Variants in PIK3CA observed in about 807,000 individuals in gnomAD.
PIK3CA encodes phosphatidylinositol-4,5-bisphosphate 3-kinase catalytic subunit alpha.
A neutral mutation model predicts 138.2 loss-of-function variants in PIK3CA; 27 were observed. The ratio of observed to expected loss-of-function variants is 0.20; its 90% confidence interval spans 0.14 to 0.27. PIK3CA has a LOEUF of 0.27. Ranked by LOEUF, PIK3CA falls within the 10% of genes least tolerant of loss-of-function variation. The probability of loss-of-function intolerance (pLI) is 1.00; values close to 1 mark genes in which losing one functional copy is unlikely to be tolerated. For missense variants in PIK3CA, 544 were observed against 1,277.4 expected (o/e 0.43, Z 8.75); for synonymous variants, 358 against 413.2 (o/e 0.87, Z 1.62).
chr3:179,202,199 G>A (rs184926992), intron 4 of PIK3CA, among the ~76,000 whole-genome samples: 1 of 152,230 alleles, frequency 6.6e-6, no homozygotes, highest in Non-Finnish European at 1.5e-5. Context: ...TAAGTGGCTG[G>A]GACCACATGC....
At chr3:179,202,309 A>G (rs993467005) in intron 4 of PIK3CA, among the ~76,000 whole-genome samples, 30 of 152,132 alleles carry the variant, frequency 2.0e-4, no homozygotes, top group Admixed American at 1.8e-3. Flanking sequence ...GGCACAAACA[A>G]TCCTCCTGCC....
intron 14 of PIK3CA, among the ~76,000 whole-genome samples, chr3:179,222,189 G>C (rs374222531): frequency 6.6e-6 from 1 of 151,860 alleles, no homozygotes; most frequent in Non-Finnish European, 1.5e-5. Context: ...ATGTAAGTTA[G>C]CAGTACTGAA....
Position 179,199,919 on chromosome 3 carries a change from ACT to A in PIK3CA, c.562+23_562+24del. On this transcript the variant is annotated intron_variant, in intron 3 of 20. Coordinates refer to ENST00000263967, the MANE Select transcript of PIK3CA (RefSeq NM_006218.4). ...ATAAAGGTAAGAAAATGACTAATCT[ACT>A]CTAATCATTACTATAGTGCAGTCTT... The A allele has an allele frequency of 7.1e-7, 1 of 1,408,186 alleles. No individual in the cohort carries two copies. Among genetic ancestry groups the A allele is most frequent in the Non-Finnish European group, 1.0e-6 (1 of 994,280 alleles). 87.2% of individuals were successfully genotyped at this position (1,408,186 alleles called of 1,614,324 possible).
chr3:179,178,311 C>A (rs1576922194), intron 1 of PIK3CA, among the ~76,000 whole-genome samples: 1 of 142,442 alleles, frequency 7.0e-6, no homozygotes, highest in African/African-American at 2.6e-5. Context: ...AAATTATGAA[C>A]TACTTAATAT....
At chr3:179,196,742 A>G (rs1402838090) in intron 1 of PIK3CA, among the ~76,000 whole-genome samples, 1 of 152,174 alleles carries the variant, frequency 6.6e-6, no homozygotes, top group Non-Finnish European at 1.5e-5. Context: ...TGTCTAATCA[A>G]ATTAGGCCCT....
At chr3:179,197,195 C>T (rs1724288740) in intron 1 of PIK3CA, among the ~76,000 whole-genome samples, 1 of 152,012 alleles carries the variant, frequency 6.6e-6, no homozygotes, top group Non-Finnish European at 1.5e-5. Context: ...CATGCCACCA[C>T]GCCCAGCTAA....
At chr3:179,199,570 C>A (rs546498357) in intron 2 of PIK3CA, 120 bp from the exon 3 acceptor site, 3 of 652,526 alleles carry the variant, frequency 4.6e-6, no homozygotes, top group Admixed American at 6.0e-5. Context: ...TTTAACCTAG[C>A]GGTACTTTTT....
intron 1 of PIK3CA, among the ~76,000 whole-genome samples, chr3:179,166,163 T>G (rs1449642523): frequency 1.3e-5 from 2 of 152,228 alleles, no homozygotes; most frequent in Non-Finnish European, 2.9e-5. Flanking sequence ...AAGGAGTAAT[T>G]AGTCCCATTT....
At chr3:179,214,303 C>T (rs552236708) in intron 9 of PIK3CA, among the ~76,000 whole-genome samples, 10 of 152,206 alleles carry the variant, frequency 6.6e-5, no homozygotes, top group African/African-American at 2.2e-4. Flanking sequence ...AAGCAAGAGA[C>T]GTGGCACTCT....
chr3:179,149,514 G>C (rs1722954465), intron 1 of PIK3CA: 2 of 152,216 alleles, frequency 1.3e-5, no homozygotes, highest in African/African-American at 4.8e-5. Flanking sequence ...GTTAAATAAA[G>C]GGTAGGGTAA....
In PIK3CA at chr3:179,219,468, TCTAAA is replaced by T. The variant is rs1724916421; in HGVS notation, c.1747-98_1747-94del. On this transcript the variant is annotated intron_variant, in intron 11 of 20. Coordinates refer to ENST00000263967, the MANE Select transcript of PIK3CA (RefSeq NM_006218.4). The surrounding 1 kb of genome is among the most constrained non-coding windows in gnomAD (Gnocchi z 4.2). ...CTGTAAATTCTAAGGAGATTATTTA[TCTAAA>T]CTAATTTTAAAATCAGAAGTTAAGG... is the stretch of plus-strand genomic sequence containing the variant. 4 of 674,000 alleles carry T rather than the reference TCTAAA, an allele frequency of 5.9e-6. No individual in the cohort carries two copies. Among genetic ancestry groups the T allele is most frequent in the Middle Eastern group, 7.9e-4 (2 of 2,522 alleles). The allele number at this position is 674,000 out of a possible 1,614,324, so 41.8% of individuals were successfully genotyped here. A position where few individuals can be genotyped will look rare whatever the true frequency, so the allele number is the denominator to read the frequency against.
At chr3:179,182,916 C>T (rs1223902778) in intron 1 of PIK3CA, among the ~76,000 whole-genome samples, 3 of 152,116 alleles carry the variant, frequency 2.0e-5, no homozygotes, top group East Asian at 1.9e-4. Context: ...ATTGTATTAT[C>T]GAAAAGATGG....
chr3:179,191,945 A>T (rs1055762014), intron 1 of PIK3CA, among the ~76,000 whole-genome samples: 1 of 152,218 alleles, frequency 6.6e-6, no homozygotes, highest in South Asian at 2.1e-4. Flanking sequence ...GCCTAAAAAC[A>T]TAAGTATTTT....
intron 14 of PIK3CA, among the ~76,000 whole-genome samples, chr3:179,223,205 TA>T (rs1465050759): frequency 6.6e-6 from 1 of 152,244 alleles, no homozygotes; most frequent in East Asian, 1.9e-4. Context: ...ATTTTCTAAC[TA>T]TTCATTTGTA....
chr3:179,204,082 G>C (rs866689256), intron 5 of PIK3CA, among the ~76,000 whole-genome samples: 2 of 151,968 alleles, frequency 1.3e-5, no homozygotes, highest in African/African-American at 2.4e-5. Flanking sequence ...CTTAAGTGAG[G>C]GTTTTTATAA....
intron 1 of PIK3CA, among the ~76,000 whole-genome samples, chr3:179,191,245 T>G (rs1019401992): frequency 6.6e-6 from 1 of 152,224 alleles, no homozygotes; most frequent in African/African-American, 2.4e-5. Flanking sequence ...TGTCATACTT[T>G]GGGGTATAGT....
At chr3:179,190,279 A>G (rs1016199704) in intron 1 of PIK3CA, among the ~76,000 whole-genome samples, 3 of 151,438 alleles carry the variant, frequency 2.0e-5, no homozygotes, top group Admixed American at 2.0e-4. Context: ...TATAGTGCAT[A>G]AAAAAAAGTG....
Position 179,224,838 on chromosome 3 carries a change from A to G in PIK3CA, c.2416+17A>G. The G allele has an allele frequency of 3.8e-6, 6 of 1,576,752 alleles. No homozygotes were observed. The highest frequency in any genetic ancestry group is 2.2e-5 in the East Asian group (1 of 44,578). ...ATGGGGATGGTAAGGAAGAGTATTA[A>G]TGAGCTTATGATGCATGAATTTAGC... On this transcript the variant is annotated intron_variant, in intron 16 of 20. Transcript: ENST00000263967.
rs767384914 is a variant in PIK3CA, at chr3:179,229,260, C to T, written c.2496-12C>T. On this transcript the variant is annotated splice_polypyrimidine_tract_variant and intron_variant, in intron 17 of 20. Coordinates refer to ENST00000263967, the MANE Select transcript of PIK3CA (RefSeq NM_006218.4). ...CCATCATTTAATTGTAAACGTGTTACTCCTCTTTCAGAATGTTACCTTATG... is the reference window on the plus strand; with the variant it reads ...CCATCATTTAATTGTAAACGTGTTATTCCTCTTTCAGAATGTTACCTTATG... The T allele has an allele frequency of 1.3e-5, 20 of 1,598,538 alleles. No individual in the cohort carries two copies. Among genetic ancestry groups the T allele is most frequent in the South Asian group, 1.1e-5 (1 of 89,282 alleles).
Sources: allele counts gnomAD v4.1 joint callset (sites outside exome capture counted in the v4.1 genomes callset), GRCh38; gene constraint gnomAD v4.1.1; non-coding constraint Gnocchi (gnomAD v3.1); transcripts MANE v1.5; gene names NCBI Gene and HGNC (gene_info 2026-07-23, HGNC 2026-07-21).